The following CALN1 variants were observed in gnomAD, a reference collection of about 807,000 sequenced individuals.
CALN1 encodes calcium-binding protein 8.
In CALN1, 17 loss-of-function variants were observed where a neutral mutation model predicts 30.6. The ratio of observed to expected loss-of-function variants is 0.56; its 90% confidence interval spans 0.38 to 0.83. The LOEUF is 0.83. Ranked by LOEUF, CALN1 falls within the 40% of genes least tolerant of loss-of-function variation. The pLI is 0.00. For synonymous variants in CALN1, 156 were observed against 131.4 expected (o/e 1.19, Z -1.28); for missense variants, 291 against 354.9 (o/e 0.82, Z 1.45).
At chr7:71,813,797 G>T (rs1788103051) in intron 5 of CALN1, among the ~76,000 whole-genome samples, 1 of 152,032 alleles carries the variant, frequency 6.6e-6, no homozygotes. Flanking sequence ...CGGGCATGGT[G>T]GCGGGCGCCT....
intron 5 of CALN1, among the ~76,000 whole-genome samples, chr7:71,935,592 G>A (rs953605751): frequency 1.3e-5 from 2 of 152,152 alleles, no homozygotes; most frequent in Non-Finnish European, 1.5e-5. Flanking sequence ...CGTGGTTGGC[G>A]CATGCCTGTA....
chr7:72,039,825 C>A (rs757478055), intron 4 of CALN1, among the ~76,000 whole-genome samples: 5 of 152,108 alleles, frequency 3.3e-5, no homozygotes, highest in Non-Finnish European at 5.9e-5. Flanking sequence ...AACATTAGCA[C>A]TCTAGGAGGT....
upstream of CALN1, among the ~76,000 whole-genome samples, chr7:72,451,233 GAGA>G (rs1562973732): frequency 2.4e-5 from 3 of 122,868 alleles, no homozygotes; most frequent in African/African-American, 4.0e-5. Context: ...GGAGGAGGAG[GAGA>G]AGGAGGAAGA....
chr7:72,488,258 T>A, the CALN1 span, among the ~76,000 whole-genome samples: 3 of 151,634 alleles, frequency 2.0e-5, no homozygotes, highest in Non-Finnish European at 4.4e-5. Flanking sequence ...GTAGTTTCAG[T>A]TACTTGGGAG....
intron 4 of CALN1, among the ~76,000 whole-genome samples, chr7:72,030,873 A>G (rs1283034832): frequency 6.6e-6 from 1 of 151,928 alleles, no homozygotes; most frequent in African/African-American, 2.4e-5. Context: ...CAGCTTCTGG[A>G]GTACCTGGAA....
At chr7:72,124,424 G>A (rs942252099) in intron 3 of CALN1, among the ~76,000 whole-genome samples, 6 of 152,138 alleles carry the variant, frequency 3.9e-5, no homozygotes, top group African/African-American at 1.4e-4. Flanking sequence ...GAATCACTTT[G>A]AGGCCAGGAG....
At chr7:71,795,020 T>C (rs1476443145) in intron 6 of CALN1, among the ~76,000 whole-genome samples, 1 of 152,144 alleles carries the variant, frequency 6.6e-6, no homozygotes, top group African/African-American at 2.4e-5. Context: ...CCTATTTTTT[T>C]TCTTTTCTTT....
chr7:72,162,683 G>A (rs1397335880), intron 3 of CALN1, among the ~76,000 whole-genome samples: 3 of 152,240 alleles, frequency 2.0e-5, no homozygotes, highest in South Asian at 2.1e-4. Flanking sequence ...AGATTGCAGT[G>A]AGCCAAGATC....
At chr7:72,345,443 GAGAA>G (rs894846063) in intron 2 of CALN1, among the ~76,000 whole-genome samples, 17 of 146,840 alleles carry the variant, frequency 1.2e-4, no homozygotes, top group African/African-American at 4.3e-4. Flanking sequence ...GAGGGAAAGA[GAGAA>G]AGACAAAAAG....
intron 3 of CALN1, among the ~76,000 whole-genome samples, chr7:72,163,178 T>C (rs1276835298): frequency 1.3e-5 from 2 of 152,082 alleles, no homozygotes; most frequent in African/African-American, 4.8e-5. Context: ...AAATAAAAAC[T>C]AAGTCCCAAA....
chr7:72,472,893 TA>T, the CALN1 span, among the ~76,000 whole-genome samples: 2 of 152,184 alleles, frequency 1.3e-5, no homozygotes, highest in African/African-American at 4.8e-5. Flanking sequence ...GGATTTGGCT[TA>T]AATTCTTCCT....
chr7:72,408,292 T>C (rs75374761), intron 1 of CALN1, among the ~76,000 whole-genome samples: 12 of 129,760 alleles, frequency 9.2e-5, no homozygotes, highest in East Asian at 2.5e-4. Context: ...AAAAAAAAAA[T>C]TAGTAGTGCG....
intron 5 of CALN1, among the ~76,000 whole-genome samples, chr7:71,897,951 G>C (rs1335675131): frequency 9.7e-5 from 11 of 113,918 alleles, no homozygotes; most frequent in Middle Eastern, 6.6e-3. Context: ...CCAAGGAGTA[G>C]TGTTGGAAAA....
chr7:71,820,964 C>T (rs1365780217), intron 5 of CALN1, among the ~76,000 whole-genome samples: 1 of 152,082 alleles, frequency 6.6e-6, no homozygotes, highest in Non-Finnish European at 1.5e-5. Flanking sequence ...GGCGAATGGG[C>T]CATCCAGGGA....
At chr7:71,824,853 A>C (rs148101690) in intron 5 of CALN1, among the ~76,000 whole-genome samples, 4 of 152,304 alleles carry the variant, frequency 2.6e-5, no homozygotes, top group African/African-American at 9.6e-5. Flanking sequence ...GCACCACAAT[A>C]GTAACTCCTG....
intron 2 of CALN1, among the ~76,000 whole-genome samples, chr7:72,396,235 T>TTAA (rs1185933549): frequency 1.9e-5 from 1 of 53,344 alleles, no homozygotes; most frequent in Non-Finnish European, 3.2e-5. Flanking sequence ...TTGTCTCTAC[T>TTAA]AAAAAAAAAA....
intron 3 of CALN1, among the ~76,000 whole-genome samples, chr7:72,169,215 G>A (rs1356149506): frequency 6.6e-6 from 1 of 151,892 alleles, no homozygotes; most frequent in Non-Finnish European, 1.5e-5. Flanking sequence ...CACATAAAAA[G>A]AACTTAAGAC....
chr7:71,885,847 G>C (rs369609244), intron 5 of CALN1, among the ~76,000 whole-genome samples: 1 of 152,180 alleles, frequency 6.6e-6, no homozygotes, highest in Non-Finnish European at 1.5e-5. Flanking sequence ...CCTCTTTGGG[G>C]AGAAATTCAC....
intron 5 of CALN1, among the ~76,000 whole-genome samples, chr7:71,896,831 T>C (rs999604155): frequency 5.3e-5 from 8 of 152,154 alleles, no homozygotes; most frequent in Admixed American, 5.2e-4. Flanking sequence ...GAGCTGCAGT[T>C]CCCTGATAGC....
Sources: gnomAD v4.1 joint callset for allele counts (sites outside exome capture counted in the v4.1 genomes callset) on GRCh38, gnomAD v4.1.1 for gene constraint, MANE v1.5 for transcripts, NCBI Gene and HGNC (gene_info 2026-07-23, HGNC 2026-07-21) for gene names.